Variants in RTN4RL1 observed in about 807,000 individuals in gnomAD.
The protein encoded by RTN4RL1 is reticulon-4 receptor-like 1.
In RTN4RL1, 7 loss-of-function variants were observed where a neutral mutation model predicts 25.6. The observed-to-expected ratio is 0.27, with a 90% CI of 0.16 to 0.51. The LOEUF is 0.51. Ranked by LOEUF, RTN4RL1 falls within the 20% of genes least tolerant of loss-of-function variation. The pLI is 0.97. For synonymous variants in RTN4RL1, 297 were observed against 288.2 expected (o/e 1.03, Z -0.31); for missense variants, 500 against 615.6 (o/e 0.81, Z 1.99).
chr17:1,942,482 GGT>G (rs1915459717), intron 1 of RTN4RL1, among the ~76,000 whole-genome samples: 1 of 152,014 alleles, frequency 6.6e-6, no homozygotes, highest in Non-Finnish European at 1.5e-5. Context: ...GGCCCCTGGA[GGT>G]GTGTGTGGGA....
intron 1 of RTN4RL1, among the ~76,000 whole-genome samples, chr17:1,943,653 G>C (rs899673650): frequency 6.6e-6 from 1 of 152,218 alleles, no homozygotes; most frequent in Non-Finnish European, 1.5e-5. Flanking sequence ...GGCTGCACTT[G>C]GGGCTGCTGG....
intron 1 of RTN4RL1, among the ~76,000 whole-genome samples, chr17:1,945,217 C>G (rs1915512410): frequency 6.6e-6 from 1 of 152,128 alleles, no homozygotes; most frequent in Non-Finnish European, 1.5e-5. Context: ...TCTGAGCAAC[C>G]TGGTGGTTTT....
Position 1,998,967 on chromosome 17 carries a change from G to A in RTN4RL1, c.13+25886C>T, listed in dbSNP as rs1228450008. On this transcript the variant is annotated intron_variant, in intron 1 of 1. Coordinates refer to ENST00000331238, the MANE Select transcript of RTN4RL1 (RefSeq NM_178568.4). This position sits in a 1 kb window ranked among gnomAD's most constrained non-coding sequence, Gnocchi z 4.9. ...GTCGGCTGTGCACAACTGAAGAGCTGCTCCCCCTTCCCTGCACGATGCCAT... is the reference window on the plus strand; with the variant it reads ...GTCGGCTGTGCACAACTGAAGAGCTACTCCCCCTTCCCTGCACGATGCCAT... 6.6e-6 allele frequency among the ~76,000 whole-genome samples: 1 copy of A among 152,054 alleles called. No homozygotes were observed. The highest frequency in any genetic ancestry group is 1.5e-5 in the Non-Finnish European group (1 of 68,000).
At chr17:1,961,211 A>G (rs1410578613) in intron 1 of RTN4RL1, among the ~76,000 whole-genome samples, 3 of 152,222 alleles carry the variant, frequency 2.0e-5, no homozygotes, top group Admixed American at 2.0e-4. Flanking sequence ...CAAGGAAGGA[A>G]GAAAGCGGTG....
chr17:1,936,267 C>T lies in RTN4RL1; in HGVS notation c.*229G>A, dbSNP rs1249358080. On this transcript the variant is annotated 3_prime_UTR_variant, in exon 2 of 2. Transcript: ENST00000331238. ...GTGGACACTGTCCGTGGGCGCTCTG[C>T]GGGGCTGGCTGGGACAGCCGGCTGA... 6.6e-6 allele frequency: 9 copies of T among 1,369,822 alleles called. No individual in the cohort carries two copies. The highest frequency in any genetic ancestry group is 3.0e-5 in the African/African-American group (2 of 66,076). The allele number at this position is 1,369,822 out of a possible 1,614,324, so 84.9% of individuals were successfully genotyped here.
At chr17:1,971,759 G>C (rs1383129107) in intron 1 of RTN4RL1, among the ~76,000 whole-genome samples, 1 of 151,890 alleles carries the variant, frequency 6.6e-6, no homozygotes, top group African/African-American at 2.4e-5. Flanking sequence ...TCAGGAGATC[G>C]AGACCATCCT....
At chr17:2,002,319 G>A (rs796261684) in intron 1 of RTN4RL1, among the ~76,000 whole-genome samples, 23 of 144,644 alleles carry the variant, frequency 1.6e-4, no homozygotes, top group African/African-American at 5.6e-4. Context: ...TTGAGACGGA[G>A]TCTTGCTCTG....
chr17:1,940,069 G>C (rs1020524212), intron 1 of RTN4RL1, among the ~76,000 whole-genome samples: 6 of 152,162 alleles, frequency 3.9e-5, no homozygotes, highest in Admixed American at 1.3e-4. Context: ...GGCCCAGCAG[G>C]CCTCACCGCC....
At chr17:1,963,106 C>T (rs946282626) in intron 1 of RTN4RL1, among the ~76,000 whole-genome samples, 1 of 152,036 alleles carries the variant, frequency 6.6e-6, no homozygotes, top group Non-Finnish European at 1.5e-5. Context: ...CCTGGCTTGT[C>T]AACTGTGTTT....
At chr17:1,987,215 G>A (rs1246220654) in intron 1 of RTN4RL1, among the ~76,000 whole-genome samples, 4 of 152,092 alleles carry the variant, frequency 2.6e-5, no homozygotes, top group Middle Eastern at 3.4e-3. Flanking sequence ...CCACCCATGC[G>A]CCATGATAGA....
chr17:1,959,817 C>T (rs1915860959), intron 1 of RTN4RL1, among the ~76,000 whole-genome samples: 1 of 152,206 alleles, frequency 6.6e-6, no homozygotes, highest in Non-Finnish European at 1.5e-5. Flanking sequence ...CCCACCTCGG[C>T]CTCCCAAAGT....
At chr17:1,952,345 T>C (rs1034625862) in intron 1 of RTN4RL1, among the ~76,000 whole-genome samples, 1 of 148,964 alleles carries the variant, frequency 6.7e-6, no homozygotes, top group Non-Finnish European at 1.5e-5. Context: ...TTTTTTTTTT[T>C]TTTTTTTTTG....
Position 1,936,701 on chromosome 17 carries a change from G to A in RTN4RL1, c.1121C>T (p.Ala374Val), listed in dbSNP as rs771985326. Residue 374 changes from alanine (A) to valine (V), a missense_variant, in exon 2 of 2, where the codon GCC (alanine) becomes GTC (valine). Coordinates refer to ENST00000331238, the MANE Select transcript of RTN4RL1 (RefSeq NM_178568.4). The stretch of plus-strand genomic sequence containing the variant: ...TGGGGCATAGTCTGGCAGCTCGGGG[G>A]CCTGTTTCCCGGCGCCCGCCTTAGA... ...QISKAGAGKQ[A>V]PELPDYAPDY... 35 of 1,582,702 alleles carry A rather than the reference G, an allele frequency of 2.2e-5. No individual in the cohort carries two copies. The highest frequency in any genetic ancestry group is 3.0e-5 in the Non-Finnish European group (35 of 1,167,008).
intron 1 of RTN4RL1, among the ~76,000 whole-genome samples, chr17:2,011,904 T>C (rs988825910): frequency 5.3e-5 from 8 of 152,166 alleles, no homozygotes; most frequent in African/African-American, 1.9e-4. Context: ...CCGAGCCTCT[T>C]TCCCTCGGCC....
intron 1 of RTN4RL1, among the ~76,000 whole-genome samples, chr17:1,978,696 C>T (rs977579609): frequency 2.0e-5 from 3 of 152,154 alleles, no homozygotes; most frequent in Non-Finnish European, 4.4e-5. Context: ...GAGCATGGAG[C>T]GTGGTGCTTA....
rs541959162 is a variant in RTN4RL1, at chr17:2,009,552, A to G, written c.13+15301T>C. On this transcript the variant is annotated intron_variant, in intron 1 of 1. Coordinates refer to ENST00000331238, the MANE Select transcript of RTN4RL1 (RefSeq NM_178568.4). The stretch of plus-strand genomic sequence containing the variant: ...GGTTGCAATGAGCCGAGATCACGCC[A>G]CTGCACTCCAGCCTGGGCGACAGAG... 1.7e-5 allele frequency among the ~76,000 whole-genome samples: 2 copies of G among 118,616 alleles called. 1 individual carries two copies. Among genetic ancestry groups the G allele is most frequent in the Admixed American group, 1.8e-4 (2 of 10,988 alleles). 77.8% of individuals were successfully genotyped at this position (118,616 alleles called of 152,430 possible). A position where few individuals can be genotyped will look rare whatever the true frequency, so the allele number is the denominator to read the frequency against.
chr17:2,002,602 T>G (rs1405015084), intron 1 of RTN4RL1, among the ~76,000 whole-genome samples: 1 of 152,056 alleles, frequency 6.6e-6, no homozygotes, highest in Non-Finnish European at 1.5e-5. Flanking sequence ...TGTCTTTCTT[T>G]ATTTCCTCTC....
chr17:1,974,396 C>T (rs2066833767), intron 1 of RTN4RL1, among the ~76,000 whole-genome samples: 1 of 152,214 alleles, frequency 6.6e-6, no homozygotes, highest in Non-Finnish European at 1.5e-5. Flanking sequence ...ATCTCAAAAA[C>T]AGAACAAACC....
At chr17:1,980,230 A>AT (rs34130716) in intron 1 of RTN4RL1, among the ~76,000 whole-genome samples, 54,614 of 126,254 alleles carry the variant, frequency 0.43, 12,754 homozygotes, top group East Asian at 0.56. Flanking sequence ...CGCTCAGCTA[A>AT]TTTTTTTTTT....
Sources: gnomAD v4.1 joint callset for allele counts (sites outside exome capture counted in the v4.1 genomes callset) on GRCh38, gnomAD v4.1.1 for gene constraint, Gnocchi (gnomAD v3.1) non-coding constraint, MANE v1.5 for transcripts, NCBI Gene and HGNC (gene_info 2026-07-23, HGNC 2026-07-21) for gene names.